Variants in WDFY3 observed in about 807,000 individuals in gnomAD.
WDFY3 encodes the protein WD repeat and FYVE domain containing 3, also known as WD repeat and FYVE domain-containing protein 3.
Under a neutral mutation model 409.6 loss-of-function variants are expected in WDFY3, and 66 were observed. That is an observed-to-expected ratio of 0.16 (90% CI 0.13 to 0.20). The LOEUF (loss-of-function observed/expected upper bound fraction) is 0.20. Ranked by LOEUF, WDFY3 falls within the 10% of genes least tolerant of loss-of-function variation. The pLI, the probability that WDFY3 is intolerant of heterozygous loss-of-function variation, is 1.00. For missense variants in WDFY3, 3,031 were observed against 4,298.1 expected (o/e 0.71, Z 8.24); for synonymous variants, 1,521 against 1,537.1 (o/e 0.99, Z 0.25).
intron 15 of WDFY3, chr4:84,804,181 T>C (rs1254076210): frequency 6.6e-6 from 1 of 152,224 alleles, no homozygotes; most frequent in South Asian, 2.1e-4. Context: ...CAATGATCTC[T>C]ACTTTCTATT....
intron 46 of WDFY3, among the ~76,000 whole-genome samples, chr4:84,723,119 T>G (rs895354483): frequency 3.2e-4 from 48 of 152,374 alleles, no homozygotes; most frequent in African/African-American, 1.1e-3. Flanking sequence ...ATACCTTGGC[T>G]TGTATCCAGC....
intron 15 of WDFY3, 51 bp from the exon 16 acceptor site, chr4:84,803,518 T>C (rs775408957): frequency 6.5e-7 from 1 of 1,545,834 alleles, no homozygotes; most frequent in Non-Finnish European, 8.7e-7. Flanking sequence ...TCACATTCTC[T>C]TCCTCTTCAG....
intron 1 of WDFY3, among the ~76,000 whole-genome samples, chr4:84,937,720 A>G (rs1771607438): frequency 6.6e-6 from 1 of 152,166 alleles, no homozygotes; most frequent in Non-Finnish European, 1.5e-5. Flanking sequence ...AAAAAATGAC[A>G]TAAAAGAACC....
At chr4:84,936,538 T>C (rs1374596061) in intron 1 of WDFY3, among the ~76,000 whole-genome samples, 4 of 152,014 alleles carry the variant, frequency 2.6e-5, no homozygotes, top group African/African-American at 9.7e-5. Flanking sequence ...AAAAATTATT[T>C]GGCTTGAAGA....
chr4:84,965,382 G>T (rs945057013), intron 1 of WDFY3, among the ~76,000 whole-genome samples: 4 of 152,194 alleles, frequency 2.6e-5, no homozygotes, highest in Non-Finnish European at 5.9e-5. Context: ...TAAGGTACTG[G>T]AAGTCCATGC....
intron 40 of WDFY3, 130 bp downstream of exon 40, chr4:84,738,880 T>G (rs191194160): frequency 1.3e-6 from 1 of 756,806 alleles, no homozygotes; most frequent in Non-Finnish European, 2.2e-6. Context: ...AGACTCTTTA[T>G]GTATAGGTTG....
chr4:84,785,143 C>CT (rs987799609), intron 24 of WDFY3, among the ~76,000 whole-genome samples: 4 of 151,998 alleles, frequency 2.6e-5, no homozygotes, highest in African/African-American at 9.7e-5. Context: ...TGCCTCCCAT[C>CT]TTTCTCCATC....
intron 51 of WDFY3, 130 bp from the exon 52 acceptor site, chr4:84,709,477 T>C: frequency 1.5e-6 from 1 of 679,948 alleles, no homozygotes; most frequent in East Asian, 2.8e-5. Flanking sequence ...TAGTGGGTCA[T>C]AAAATCAGTT....
chr4:84,782,668 G>A (rs545270998), intron 25 of WDFY3, among the ~76,000 whole-genome samples: 10 of 152,186 alleles, frequency 6.6e-5, no homozygotes, highest in Non-Finnish European at 1.3e-4. Flanking sequence ...TTAGTTTGCT[G>A]AGGATGATTT....
intron 12 of WDFY3, among the ~76,000 whole-genome samples, chr4:84,819,600 A>G (rs1319217964): frequency 6.6e-6 from 1 of 152,112 alleles, no homozygotes; most frequent in Non-Finnish European, 1.5e-5. Flanking sequence ...AAAGTATAAA[A>G]GAGAAATTGA....
chr4:84,845,630 G>GAGTTGGAT (rs1303407320), intron 5 of WDFY3, among the ~76,000 whole-genome samples: 15 of 152,212 alleles, frequency 9.9e-5, no homozygotes, highest in Admixed American at 6.5e-4. Flanking sequence ...GAAATATTAA[G>GAGTTGGAT]AGTTGGATGA....
chr4:84,910,448 G>A (rs536974095), intron 2 of WDFY3, among the ~76,000 whole-genome samples: 28 of 152,120 alleles, frequency 1.8e-4, no homozygotes, highest in African/African-American at 6.7e-4. Context: ...AAAACAGTAT[G>A]GTACTAGCAT....
intron 5 of WDFY3, among the ~76,000 whole-genome samples, chr4:84,842,263 G>A (rs571038299): frequency 6.6e-6 from 1 of 152,208 alleles, no homozygotes; most frequent in South Asian, 2.1e-4. Flanking sequence ...GATCACCTGA[G>A]GTCAGGAGTT....
intron 32 of WDFY3, among the ~76,000 whole-genome samples, chr4:84,761,912 G>C (rs1294273552): frequency 6.6e-6 from 1 of 152,140 alleles, no homozygotes; most frequent in Non-Finnish European, 1.5e-5. Context: ...ACCACAATGA[G>C]ATATCATCTC....
At chr4:84,675,716 CT>C (rs1726157037) in intron 67 of WDFY3, among the ~76,000 whole-genome samples, 1 of 152,024 alleles carries the variant, frequency 6.6e-6, no homozygotes, top group African/African-American at 2.4e-5. Flanking sequence ...AATATGCTTT[CT>C]ATGAAAGCAT....
intron 1 of WDFY3, among the ~76,000 whole-genome samples, chr4:84,947,662 G>A (rs1428665721): frequency 6.0e-5 from 9 of 149,014 alleles, no homozygotes; most frequent in African/African-American, 2.2e-4. Context: ...CTTGAGTCCA[G>A]GAGTTCAAGA....
chr4:84,776,033 T>A (rs933524095), intron 27 of WDFY3, among the ~76,000 whole-genome samples: 1 of 152,024 alleles, frequency 6.6e-6, no homozygotes, highest in Non-Finnish European at 1.5e-5. Flanking sequence ...ATGCTATAAA[T>A]ACTATATATG....
Position 84,796,635 on chromosome 4 carries a change from G to A in WDFY3, c.3053C>T (p.Pro1018Leu), listed in dbSNP as rs1749494465. 6.2e-7 allele frequency: 1 copy of A among 1,613,980 alleles called. No individual in the cohort carries two copies. Among genetic ancestry groups the A allele is most frequent in the African/African-American group, 1.3e-5 (1 of 74,990 alleles). ...LVKSAEGSTV[P>L]LTRVKCLVSM... The stretch of plus-strand genomic sequence containing the variant: ...GACCAGACACTTCACCCTGGTCAGG[G>A]GTACAGTACTTCCTTCCGCAGATTT... Residue 1018 changes from proline to leucine, a missense_variant, in exon 19 of 68, where the codon CCC becomes CTC. Transcript: ENST00000295888.
intron 1 of WDFY3, among the ~76,000 whole-genome samples, chr4:84,952,509 C>T (rs1001948674): frequency 6.6e-6 from 1 of 152,082 alleles, no homozygotes. Context: ...TTATACAGAA[C>T]TTTTATTTTC....
Sources: gnomAD v4.1 joint callset for allele counts (sites outside exome capture counted in the v4.1 genomes callset) on GRCh38, gnomAD v4.1.1 for gene constraint, MANE v1.5 for transcripts, NCBI Gene and HGNC (gene_info 2026-07-23, HGNC 2026-07-21) for gene names.